Variants in SERPINB2 observed in about 807,000 individuals in gnomAD.
SERPINB2 encodes the protein serpin family B member 2.
A neutral mutation model predicts 39.4 loss-of-function variants in SERPINB2; 28 were observed. That is an observed-to-expected ratio of 0.71 (90% confidence interval 0.53 to 0.97). SERPINB2 has a LOEUF of 0.97. SERPINB2 is among the 50% of genes least tolerant of loss of function. The probability of loss-of-function intolerance (pLI) is 0.00; values close to 1 mark genes in which losing one functional copy is unlikely to be tolerated. For missense variants in SERPINB2, 557 were observed against 505.3 expected, an observed-to-expected ratio of 1.10 and a Z score of -0.98; for synonymous variants, 209 against 175.1, an observed-to-expected ratio of 1.19 and a Z score of -1.53.
At chr18:63,902,648 G>A in intron 7 of SERPINB2, 80 bp downstream of exon 7, 4 of 1,345,476 alleles carry the variant, frequency 3.0e-6, no homozygotes, top group Non-Finnish European at 4.1e-6. Context: ...CCTTACAAAT[G>A]GTGTGGTAAT....
rs1433224358 is a variant in SERPINB2, at chr18:63,903,830, G to A, written c.*525G>A. ...CTAGAAATACATAACACATATATATGTCTGTATCTTATATTCAATTGCAAG... is the reference window on the plus strand; with the variant it reads ...CTAGAAATACATAACACATATATATATCTGTATCTTATATTCAATTGCAAG... On this transcript the variant is annotated 3_prime_UTR_variant, in exon 8 of 8. Transcript: ENST00000299502. The A allele has an allele frequency of 2.0e-5, 3 of 152,080 alleles. No homozygotes were observed. The highest frequency in any genetic ancestry group is 4.1e-4 in the South Asian group (2 of 4,828). 9.4% of individuals were successfully genotyped at this position (152,080 alleles called of 1,614,324 possible). A position where few individuals can be genotyped will look rare whatever the true frequency, so the allele number is the denominator to read the frequency against.
At chr18:63,893,256 G>C (rs2049938392) in intron 2 of SERPINB2, among the ~76,000 whole-genome samples, 1 of 152,168 alleles carries the variant, frequency 6.6e-6, no homozygotes, top group African/African-American at 2.4e-5. Flanking sequence ...AAATGTAAAG[G>C]AATCAGTAGC....
At position 63,895,286 on chromosome 18, in the gene SERPINB2, G is replaced by T. The variant is rs757644603; in HGVS notation, c.191G>T (p.Gly64Val). ...MAKVLQFNEV[G>V]ANAVTPMTPE... Reference sequence around the variant, plus strand: ...CAGGTGCTTCAGTTTAATGAAGTGGGAGCCAATGCAGTTACCCCCATGACT... The same window carrying T: ...CAGGTGCTTCAGTTTAATGAAGTGGTAGCCAATGCAGTTACCCCCATGACT... Residue 64 changes from glycine to valine, a missense_variant, in exon 3 of 8, where the codon GGA becomes GTA. Transcript: ENST00000299502. 6.2e-7 allele frequency: 1 copy of T among 1,613,962 alleles called. No homozygotes were observed. The highest frequency in any genetic ancestry group is 1.1e-5 in the South Asian group (1 of 91,036).
chr18:63,897,317 G>A, intron 4 of SERPINB2, 98 bp downstream of exon 4: 1 of 1,442,310 alleles, frequency 6.9e-7, no homozygotes, highest in African/African-American at 1.5e-5. Context: ...TAAAAGCAGA[G>A]TTGGAATTCC....
chr18:63,897,959 T>G, intron 5 of SERPINB2, 115 bp downstream of exon 5: 19 of 687,874 alleles, frequency 2.8e-5, no homozygotes, highest in Non-Finnish European at 3.3e-5. Flanking sequence ...CCAACTGCAG[T>G]TACTTTGGTG....
At chr18:63,899,875 A>G (rs1164026856) in intron 5 of SERPINB2, among the ~76,000 whole-genome samples, 1 of 152,242 alleles carries the variant, frequency 6.6e-6, no homozygotes, top group Non-Finnish European at 1.5e-5. Context: ...CAAAAAATAT[A>G]TATTTATTTG....
At chr18:63,893,576 T>C (rs1315466684) in intron 2 of SERPINB2, among the ~76,000 whole-genome samples, 1 of 152,210 alleles carries the variant, frequency 6.6e-6, no homozygotes, top group Non-Finnish European at 1.5e-5. Context: ...GCACAGACTT[T>C]GGGGACAGAC....
rs2050003806 is a variant in SERPINB2, at chr18:63,903,062, G to A, written c.1005G>A (p.Lys335=). The A allele has an allele frequency of 6.2e-7, 1 of 1,613,796 alleles. No individual in the cohort carries two copies. The highest frequency in any genetic ancestry group is 1.7e-5 in the Admixed American group (1 of 59,964). ...TGGGCATGGAGGACGCCTTCAACAA[G>A]GGACGGGCCAATTTCTCAGGGATGT... is the stretch of plus-strand genomic sequence containing the variant. The part of the protein sequence containing the change: ...RSMGMEDAFN[K]GRANFSGMSE... Residue 335 remains lysine (K), a synonymous_variant, in exon 8 of 8, where the codon AAG becomes AAA. Coordinates refer to ENST00000299502, the MANE Select transcript of SERPINB2 (RefSeq NM_002575.3).
At position 63,891,488 on chromosome 18, in the gene SERPINB2, T is replaced by C; in HGVS notation, c.44T>C (p.Leu15Ser). The C allele has an allele frequency of 1.9e-6, 3 of 1,614,188 alleles. No individual in the cohort carries two copies. The highest frequency in any genetic ancestry group is 2.5e-6 in the Non-Finnish European group (3 of 1,180,024). Residue 15 changes from leucine (L) to serine (S), a missense_variant, in exon 2 of 8, where the codon TTA (leucine) becomes TCA (serine). Leu to Ser is a moderately radical substitution (Grantham distance 145). Transcript: ENST00000299502. The stretch of plus-strand genomic sequence containing the variant: ...GCAAACACACTCTTTGCCCTCAATT[T>C]ATTCAAGCATCTGGCAAAAGCAAGC... ...CVANTLFALN[L>S]FKHLAKASPT... is the part of the protein sequence containing the mutation.
intron 2 of SERPINB2, among the ~76,000 whole-genome samples, chr18:63,893,219 C>T (rs1199095947): frequency 6.6e-6 from 1 of 152,160 alleles, no homozygotes; most frequent in Non-Finnish European, 1.5e-5. Context: ...TGAGCCAGTG[C>T]ACCCGGCCTA....
chr18:63,897,262 T>C lies in SERPINB2; in HGVS notation c.417+43T>C, dbSNP rs745655175. On this transcript the variant is annotated intron_variant, in intron 4 of 7. Transcript: ENST00000299502. ...TTGAAATGGCTGGATCCCAAACAAG[T>C]AATGAAGTCACTTTCAAAGCAGTTC... The C allele has an allele frequency of 3.1e-6, 5 of 1,591,436 alleles. No individual in the cohort carries two copies. In the South Asian group the frequency reaches 5.7e-5, roughly 18 times the overall value.
intron 1 of SERPINB2, chr18:63,890,930 A>G (rs2049921767): frequency 1.3e-5 from 2 of 153,062 alleles, no homozygotes; most frequent in South Asian, 4.1e-4. Flanking sequence ...ATATTTCAAT[A>G]TGTGTATATC....
intron 3 of SERPINB2, 78 bp downstream of exon 3, chr18:63,895,461 T>C (rs73964520): frequency 1.3e-6 from 2 of 1,577,508 alleles, no homozygotes; most frequent in Admixed American, 3.5e-5. Flanking sequence ...AGTGTCAGAC[T>C]GGGAAGGAAG....
At chr18:63,891,145 T>C (rs1222726803) in intron 1 of SERPINB2, among the ~76,000 whole-genome samples, 1 of 152,214 alleles carries the variant, frequency 6.6e-6, no homozygotes, top group East Asian at 1.9e-4. Flanking sequence ...GGACTGGCTA[T>C]GTAATTTACA....
intron 6 of SERPINB2, 76 bp from the exon 7 acceptor site, chr18:63,902,328 T>A: frequency 7.6e-7 from 1 of 1,318,712 alleles, no homozygotes; most frequent in Middle Eastern, 1.9e-4. Flanking sequence ...GTAGAACCAA[T>A]CCTCCTTTAT....
Position 63,903,343 on chromosome 18 carries a change from T to A in SERPINB2, c.*38T>A. On this transcript the variant is annotated 3_prime_UTR_variant, in exon 8 of 8. Coordinates refer to ENST00000299502, the MANE Select transcript of SERPINB2 (RefSeq NM_002575.3). ...TGCTTCTGCAAAAGATTTTTGTAGATGAGCTGTGTGCCTCAGAATTGCTAT... is the reference window on the plus strand; with the variant it reads ...TGCTTCTGCAAAAGATTTTTGTAGAAGAGCTGTGTGCCTCAGAATTGCTAT... 1 of 1,478,332 alleles carries A rather than the reference T, an allele frequency of 6.8e-7. No individual in the cohort carries two copies. The highest frequency in any genetic ancestry group is 9.0e-7 in the Non-Finnish European group (1 of 1,115,260). The allele number at this position is 1,478,332 out of a possible 1,614,324, so 91.6% of individuals were successfully genotyped here. A position where few individuals can be genotyped will look rare whatever the true frequency, so the allele number is the denominator to read the frequency against.
chr18:63,896,330 G>T (rs554537872), intron 3 of SERPINB2, among the ~76,000 whole-genome samples: 1 of 152,200 alleles, frequency 6.6e-6, no homozygotes, highest in Non-Finnish European at 1.5e-5. Flanking sequence ...ACAAACTTCA[G>T]TTTGAGAACT....
At chr18:63,901,348 A>G (rs1275178491) in intron 5 of SERPINB2, among the ~76,000 whole-genome samples, 1 of 152,144 alleles carries the variant, frequency 6.6e-6, no homozygotes, top group Non-Finnish European at 1.5e-5. Context: ...TCCTCAGACT[A>G]TCTAGACCAG....
intron 5 of SERPINB2, among the ~76,000 whole-genome samples, chr18:63,899,723 G>A (rs1274731413): frequency 6.6e-6 from 1 of 152,060 alleles, no homozygotes; most frequent in Non-Finnish European, 1.5e-5. Context: ...TCAATCGGAT[G>A]TTTAAAAATT....
Sources: gnomAD v4.1 joint callset for allele counts (sites outside exome capture counted in the v4.1 genomes callset) on GRCh38, gnomAD v4.1.1 for gene constraint, MANE v1.5 for transcripts, NCBI Gene and HGNC (gene_info 2026-07-23, HGNC 2026-07-21) for gene names.